INO80: variants seen among roughly 807,000 people sequenced by gnomAD.
INO80 encodes chromatin-remodeling ATPase INO80.
Under a neutral mutation model 203.4 loss-of-function variants are expected in INO80, and 20 were observed. The ratio of observed to expected loss-of-function variants is 0.10; its 90% CI spans 0.07 to 0.14. The LOEUF (loss-of-function observed/expected upper bound fraction) is 0.14. Among genes scored for constraint, INO80 ranks in the 10% least tolerant of loss-of-function variants. The pLI, the probability that INO80 is intolerant of heterozygous loss-of-function variation, is 1.00. For synonymous variants in INO80, 726 were observed against 685.2 expected (o/e 1.06, Z -0.93); for missense variants, 1,419 against 1,914.4 (o/e 0.74, Z 4.83).
At chr15:41,066,363 G>A (rs1036432929) in intron 14 of INO80, among the ~76,000 whole-genome samples, 1 of 151,876 alleles carries the variant, frequency 6.6e-6, no homozygotes, top group Admixed American at 6.6e-5. Context: ...GTCTACGTTG[G>A]CAAGGCTGTT....
chr15:41,048,146 A>G, intron 22 of INO80, 66 bp downstream of exon 22: 1 of 1,236,604 alleles, frequency 8.1e-7, no homozygotes, highest in Non-Finnish European at 1.2e-6. Flanking sequence ...TCAGTCTCTC[A>G]GCAAAACAAA....
intron 29 of INO80, among the ~76,000 whole-genome samples, chr15:40,992,481 T>TCA (rs543229917): frequency 2.4e-4 from 37 of 152,236 alleles, no homozygotes; most frequent in Non-Finnish European, 4.6e-4. Flanking sequence ...ATATGCATTC[T>TCA]CAATCATAAG....
intron 5 of INO80, among the ~76,000 whole-genome samples, chr15:41,088,130 C>T (rs1024292125): frequency 6.4e-4 from 82 of 127,264 alleles, no homozygotes; most frequent in East Asian, 3.2e-3. Context: ...CTTGCTCTGT[C>T]GCCAGGCTGG....
chr15:40,990,366 C>T (rs2043800784), intron 29 of INO80, among the ~76,000 whole-genome samples: 1 of 151,744 alleles, frequency 6.6e-6, no homozygotes, highest in Non-Finnish European at 1.5e-5. Flanking sequence ...TTCTGTCTCT[C>T]TTTTTCTTTT....
At chr15:41,107,304 C>T (rs1336498982) in intron 1 of INO80, among the ~76,000 whole-genome samples, 1 of 152,132 alleles carries the variant, frequency 6.6e-6, no homozygotes, top group Admixed American at 6.6e-5. Flanking sequence ...AGTTCGAGAC[C>T]AGCCTGGTCA....
chr15:41,091,339 C>T (rs1022900347), intron 5 of INO80, among the ~76,000 whole-genome samples: 1 of 152,142 alleles, frequency 6.6e-6, no homozygotes, highest in Non-Finnish European at 1.5e-5. Flanking sequence ...GGATTACAGG[C>T]GTGAGCCACC....
chr15:41,114,724 A>G (rs1284653648), intron 1 of INO80, among the ~76,000 whole-genome samples: 5 of 152,138 alleles, frequency 3.3e-5, no homozygotes, highest in Non-Finnish European at 7.4e-5. Context: ...AAAAAAAAAA[A>G]AGGAATTAAG....
At chr15:40,981,980 T>G (rs892573693) in intron 35 of INO80, among the ~76,000 whole-genome samples, 1 of 152,210 alleles carries the variant, frequency 6.6e-6, no homozygotes, top group Non-Finnish European at 1.5e-5. Context: ...AGGCAACTTA[T>G]CAGCAGGACC....
chr15:41,047,601 A>G (rs1360757723), intron 22 of INO80, 100 bp from the exon 23 acceptor site: 2 of 789,820 alleles, frequency 2.5e-6, no homozygotes, highest in East Asian at 5.3e-5. Flanking sequence ...GAACAAAAAC[A>G]CTATTCTAAA....
At chr15:41,097,601 T>G (rs982684295) in intron 1 of INO80, among the ~76,000 whole-genome samples, 11 of 151,312 alleles carry the variant, frequency 7.3e-5, no homozygotes, top group African/African-American at 2.4e-4. Context: ...GGCTCCCAAG[T>G]AGCTGGGATT....
chr15:41,061,486 G>A (rs1362328359), intron 14 of INO80, among the ~76,000 whole-genome samples: 1 of 149,616 alleles, frequency 6.7e-6, no homozygotes, highest in Non-Finnish European at 1.5e-5. Flanking sequence ...AGCCAGGAGT[G>A]GTGGCACACA....
chr15:41,036,496 A>C (rs1326435424), intron 24 of INO80, among the ~76,000 whole-genome samples: 3 of 152,014 alleles, frequency 2.0e-5, no homozygotes, highest in Non-Finnish European at 4.4e-5. Flanking sequence ...TATCCTGCCC[A>C]CTTTCCCTAA....
chr15:40,979,683 T>C lies in INO80; in HGVS notation c.*540A>G, dbSNP rs1343448122. On this transcript the variant is annotated 3_prime_UTR_variant, in exon 36 of 36. Transcript: ENST00000648947. Reference sequence around the variant, plus strand: ...CTACCATGCTTAGCGGCCTCCACCATCTCTCGCAGTCACTGCTCTCTCCAA... The same window carrying C: ...CTACCATGCTTAGCGGCCTCCACCACCTCTCGCAGTCACTGCTCTCTCCAA... 6.2e-6 allele frequency: 1 copy of C among 161,548 alleles called. No individual in the cohort carries two copies. Among genetic ancestry groups the C allele is most frequent in the African/African-American group, 2.4e-5 (1 of 41,512 alleles). 10.0% of individuals were successfully genotyped at this position (161,548 alleles called of 1,614,324 possible).
intron 1 of INO80, among the ~76,000 whole-genome samples, chr15:41,115,013 A>T (rs967240011): frequency 5.3e-5 from 8 of 152,194 alleles, no homozygotes; most frequent in African/African-American, 1.9e-4. Flanking sequence ...AGAAAGCGGA[A>T]TTTTTTGGTA....
At chr15:40,982,619 G>A (rs1232378102) in intron 35 of INO80, among the ~76,000 whole-genome samples, 1 of 152,254 alleles carries the variant, frequency 6.6e-6, no homozygotes, top group East Asian at 1.9e-4. Context: ...AATGTTTAAA[G>A]TAGTACAGTT....
rs750535540 is a variant in INO80 at position 40,983,092 on chromosome 15, G to C, written c.4238-15C>G. The C allele has an allele frequency of 1.3e-6, 2 of 1,589,562 alleles. No homozygotes were observed. The highest frequency in any genetic ancestry group is 1.7e-5 in the Admixed American group (1 of 57,566). ...AATGGAAATTCCTGTGGGAACAAAT[G>C]GGCCAAAAGGGAAAGAAAAAAAAAA... On this transcript the variant is annotated splice_polypyrimidine_tract_variant and intron_variant, in intron 34 of 35. Transcript: ENST00000648947.
At chr15:41,044,385 A>G (rs1264647148) in intron 24 of INO80, among the ~76,000 whole-genome samples, 1 of 152,262 alleles carries the variant, frequency 6.6e-6, no homozygotes, top group East Asian at 1.9e-4. Context: ...AGAATGCTAT[A>G]TATGACATGG....
At chr15:41,049,621 C>T (rs73401688) in intron 20 of INO80, among the ~76,000 whole-genome samples, 9,937 of 152,232 alleles carry the variant, frequency 0.065, 945 homozygotes, top group African/African-American at 0.21. Context: ...CAAGGCCAGG[C>T]GCAGTGGCTC....
Position 41,021,121 on chromosome 15 carries a change from G to A in INO80, c.3053C>T (p.Thr1018Ile). 1 of 1,610,038 alleles carries A rather than the reference G, an allele frequency of 6.2e-7. No individual in the cohort carries two copies. The highest frequency in any genetic ancestry group is 8.5e-7 in the Non-Finnish European group (1 of 1,176,300). The change falls in exon 26 of 36, where the codon ACC (threonine) becomes ATC (isoleucine). Residue 1018 changes from threonine (T) to isoleucine (I), a missense_variant. Coordinates refer to ENST00000648947, the MANE Select transcript of INO80 (RefSeq NM_017553.3). ...SFLCVASPRV[T>I]AVPLDSYCND... ...GCAGTAAGAATCCAATGGCACTGCG[G>A]TAACCTGCAGTTAAAGATTCACATG...
Sources: allele counts gnomAD v4.1 joint callset (sites outside exome capture counted in the v4.1 genomes callset), GRCh38; gene constraint gnomAD v4.1.1; transcripts MANE v1.5; gene names NCBI Gene and HGNC (gene_info 2026-07-23, HGNC 2026-07-21).